Variants in PTCHD4 observed in about 807,000 individuals in gnomAD.
PTCHD4 encodes patched domain-containing protein 4.
A neutral mutation model predicts 58.1 loss-of-function variants in PTCHD4; 33 were observed. The ratio of observed to expected loss-of-function variants is 0.57; its 90% CI spans 0.43 to 0.76. The LOEUF is 0.76. PTCHD4 is among the 30% of genes least tolerant of loss of function. The probability of loss-of-function intolerance (pLI) is 0.00; values close to 1 mark genes in which losing one functional copy is unlikely to be tolerated. For synonymous variants in PTCHD4, 478 were observed against 409.6 expected (o/e 1.17, Z -2.02); for missense variants, 1,058 against 1,027.1 (o/e 1.03, Z -0.41).
chr6:47,923,521 T>C (rs1765499532), intron 4 of PTCHD4, among the ~76,000 whole-genome samples: 2 of 152,220 alleles, frequency 1.3e-5, no homozygotes, highest in Non-Finnish European at 1.5e-5. Flanking sequence ...TCCAACCAGA[T>C]GTCTTTAAGG....
Position 47,966,331 on chromosome 6 carries a change from G to A in PTCHD4, c.898+42303C>T, listed in dbSNP as rs140109387. ...AAGTATGCAATAGCATTATGTCTGAGAATGTACATACCTTAATTAAAAATA... is the reference window on the plus strand; with the variant it reads ...AAGTATGCAATAGCATTATGTCTGAAAATGTACATACCTTAATTAAAAATA... On this transcript the variant is annotated intron_variant, in intron 4 of 4. Transcript: ENST00000339488. 9.9e-5 allele frequency among the ~76,000 whole-genome samples: 15 copies of A among 152,274 alleles called. No individual in the cohort carries two copies. In the East Asian group the frequency reaches 2.7e-3, roughly 27 times the overall value.
At chr6:48,064,904 T>G (rs1764746089) in intron 3 of PTCHD4, among the ~76,000 whole-genome samples, 1 of 152,200 alleles carries the variant, frequency 6.6e-6, no homozygotes, top group Non-Finnish European at 1.5e-5. Flanking sequence ...TTTTGGCATA[T>G]TTTCTACACA....
At chr6:48,027,287 T>G (rs1763283721) in intron 3 of PTCHD4, among the ~76,000 whole-genome samples, 1 of 152,078 alleles carries the variant, frequency 6.6e-6, no homozygotes, top group African/African-American at 2.4e-5. Flanking sequence ...ACCCAAATGT[T>G]TTTTTCCAGT....
Position 48,057,216 on chromosome 6 carries a change from C to G in PTCHD4, c.417+11014G>C, listed in dbSNP as rs1387877663. Among the ~76,000 whole-genome samples, 4 of 151,080 alleles carry G rather than the reference C, an allele frequency of 2.6e-5. 1 individual carries two copies. The South Asian group carries it at 8.4e-4, about 32-fold the overall frequency. On this transcript the variant is annotated intron_variant, in intron 3 of 4. Coordinates refer to ENST00000339488, the MANE Select transcript of PTCHD4 (RefSeq NM_001384253.1). ...TTTTTTTTGTTTTTTTTTTCTGAGC[C>G]CAAAGCTGTTGCTTGTGCCTCGTGT... is the stretch of plus-strand genomic sequence containing the variant.
chr6:47,950,351 G>A (rs1462490076), intron 4 of PTCHD4, among the ~76,000 whole-genome samples: 1 of 152,090 alleles, frequency 6.6e-6, no homozygotes, highest in African/African-American at 2.4e-5. Flanking sequence ...GTACTTAAGA[G>A]GGCATTACAG....
chr6:47,957,818 A>T (rs115667897), intron 4 of PTCHD4, among the ~76,000 whole-genome samples: 1 of 151,666 alleles, frequency 6.6e-6, no homozygotes, highest in Non-Finnish European at 1.5e-5. Context: ...GTTAGCCAGG[A>T]TGGTTTCGAT....
chr6:48,103,389 G>T (rs1209869323), intron 1 of PTCHD4, among the ~76,000 whole-genome samples: 1 of 152,128 alleles, frequency 6.6e-6, no homozygotes, highest in Non-Finnish European at 1.5e-5. Context: ...TGCAGCTGAG[G>T]GTCCTGACTG....
At chr6:48,028,296 G>T (rs921437983) in intron 3 of PTCHD4, among the ~76,000 whole-genome samples, 19 of 151,928 alleles carry the variant, frequency 1.3e-4, no homozygotes, top group Middle Eastern at 3.4e-3. Flanking sequence ...GGTATGAAAG[G>T]TTTGATTTGG....
intron 4 of PTCHD4, among the ~76,000 whole-genome samples, chr6:47,917,683 A>G (rs1349862591): frequency 6.6e-6 from 1 of 152,124 alleles, no homozygotes; most frequent in South Asian, 2.1e-4. Flanking sequence ...TTGCCAAATG[A>G]ATGTACAGTA....
chr6:47,962,756 G>A (rs1767143493), intron 4 of PTCHD4, among the ~76,000 whole-genome samples: 1 of 150,436 alleles, frequency 6.6e-6, no homozygotes, highest in Non-Finnish European at 1.5e-5. Flanking sequence ...AAAGAAGTAT[G>A]AAAATGGACT....
chr6:47,918,432 C>G (rs1158204959), intron 4 of PTCHD4, among the ~76,000 whole-genome samples: 1 of 152,028 alleles, frequency 6.6e-6, no homozygotes, highest in Non-Finnish European at 1.5e-5. Flanking sequence ...AGACAAGAAC[C>G]AGGACAACAA....
chr6:48,037,569 T>C (rs1178880006), intron 3 of PTCHD4, among the ~76,000 whole-genome samples: 1 of 152,120 alleles, frequency 6.6e-6, no homozygotes, highest in Admixed American at 6.6e-5. Flanking sequence ...TAGTCAGACA[T>C]GCACTGTGAA....
At chr6:48,035,202 A>T (rs1562018985) in intron 3 of PTCHD4, among the ~76,000 whole-genome samples, 1 of 152,116 alleles carries the variant, frequency 6.6e-6, no homozygotes. Flanking sequence ...ATAATATACC[A>T]TTGAAACACG....
intron 4 of PTCHD4, among the ~76,000 whole-genome samples, chr6:47,916,919 C>T (rs1473957443): frequency 1.3e-5 from 2 of 151,698 alleles, no homozygotes; most frequent in African/African-American, 2.4e-5. Context: ...TGGTACTCCT[C>T]AGTTAATCTT....
intron 4 of PTCHD4, among the ~76,000 whole-genome samples, chr6:47,905,507 A>G (rs1764849955): frequency 6.6e-6 from 1 of 152,246 alleles, no homozygotes; most frequent in Non-Finnish European, 1.5e-5. Context: ...TGCTTTCAAT[A>G]AACTATAGCT....
chr6:48,052,773 T>C (rs1045331813), intron 3 of PTCHD4, among the ~76,000 whole-genome samples: 4 of 152,116 alleles, frequency 2.6e-5, no homozygotes, highest in African/African-American at 9.7e-5. Flanking sequence ...TCTCCTTTTG[T>C]AATGTAAAAT....
At chr6:47,934,181 G>T (rs1765922534) in intron 4 of PTCHD4, among the ~76,000 whole-genome samples, 1 of 152,174 alleles carries the variant, frequency 6.6e-6, no homozygotes, top group Non-Finnish European at 1.5e-5. Context: ...GTTTGCGGCA[G>T]GGAGGAGCCG....
At chr6:47,905,256 C>T (rs1015559529) in intron 4 of PTCHD4, among the ~76,000 whole-genome samples, 21 of 151,958 alleles carry the variant, frequency 1.4e-4, no homozygotes, top group Admixed American at 1.2e-3. Flanking sequence ...TAGATTTTAC[C>T]TTTTATATAC....
At position 47,873,033 on chromosome 6, in the gene PTCHD4, G is replaced by C. The variant is rs181473875; in HGVS notation, c.*5270C>G. Reference sequence around the variant, plus strand: ...TCTGGGAATGAATGATGCTTATGTCGGTGCTTACTTTAAGCTTCTTTACAA... The same window carrying C: ...TCTGGGAATGAATGATGCTTATGTCCGTGCTTACTTTAAGCTTCTTTACAA... On this transcript the variant is annotated 3_prime_UTR_variant, in exon 5 of 5. Coordinates refer to ENST00000339488, the MANE Select transcript of PTCHD4 (RefSeq NM_001384253.1). Among the ~76,000 whole-genome samples, 2 of 151,524 alleles carry C rather than the reference G, an allele frequency of 1.3e-5. No individual in the cohort carries two copies. Among genetic ancestry groups the C allele is most frequent in the African/African-American group, 2.4e-5 (1 of 41,326 alleles).
Sources: allele counts gnomAD v4.1 joint callset (sites outside exome capture counted in the v4.1 genomes callset), GRCh38; gene constraint gnomAD v4.1.1; transcripts MANE v1.5; gene names NCBI Gene and HGNC (gene_info 2026-07-23, HGNC 2026-07-21).